The following PCLO variants were observed in gnomAD, a reference collection of about 807,000 sequenced individuals.
PCLO encodes piccolo presynaptic cytomatrix protein, also known as protein piccolo.
PCLO carries 82 observed loss-of-function variants against 427.5 expected under a neutral mutation model. The observed-to-expected ratio is 0.19, with a 90% CI of 0.16 to 0.23. The LOEUF is 0.23. Ranked by LOEUF, PCLO falls within the 10% of genes least tolerant of loss-of-function variation. PCLO has a pLI of 1.00. For synonymous variants in PCLO, 2,357 were observed against 2,155.4 expected, an observed-to-expected ratio of 1.09 and a Z score of -2.59; for missense variants, 6,239 against 6,115.9, an observed-to-expected ratio of 1.02 and a Z score of -0.67.
intron 22 of PCLO, among the ~76,000 whole-genome samples, chr7:82,764,276 A>G (rs971888682): frequency 6.6e-6 from 1 of 151,976 alleles, no homozygotes; most frequent in Non-Finnish European, 1.5e-5. Flanking sequence ...AACAGGAGTT[A>G]GACATTATAA....
intron 9 of PCLO, among the ~76,000 whole-genome samples, chr7:82,880,955 T>C (rs971095690): frequency 3.3e-5 from 5 of 152,208 alleles, no homozygotes; most frequent in Non-Finnish European, 7.3e-5. Flanking sequence ...TTTAGACACA[T>C]ATTTTGGGGC....
chr7:82,900,487 T>C (rs1794011203), intron 9 of PCLO, among the ~76,000 whole-genome samples: 1 of 151,754 alleles, frequency 6.6e-6, no homozygotes. Flanking sequence ...TAGGTAATTT[T>C]CATTTTTTGA....
intron 6 of PCLO, among the ~76,000 whole-genome samples, chr7:82,934,621 G>A (rs907481792): frequency 4.0e-5 from 6 of 151,596 alleles, no homozygotes; most frequent in Non-Finnish European, 7.4e-5. Flanking sequence ...CTACAGTATG[G>A]TGGCTTCAAA....
At position 82,760,730 on chromosome 7, in the gene PCLO, T is replaced by G. The variant is rs1790412774; in HGVS notation, c.15197A>C (p.Lys5066Thr). Residue 5066 changes from lysine (K) to threonine (T), a missense_variant, in exon 24 of 25, where the codon AAG (lysine) becomes ACG (threonine). Lys to Thr is a moderately conservative substitution (Grantham distance 78). Around this residue, in one of 5 missense-constraint regions of PCLO, gnomAD observed 877 missense variants for 925.5 expected, o/e 0.95. Transcript: ENST00000333891. ...MNISTQKKVI[K>T]KKTRVCRHDR... The stretch of plus-strand genomic sequence containing the variant: ...ATGTCTGCATACTCTTGTTTTTTTC[T>G]TGATCACCTTTTTTTGGGTAGAAAT... 1.3e-6 allele frequency: 2 copies of G among 1,564,176 alleles called. No individual in the cohort carries two copies. The highest frequency in any genetic ancestry group is 1.8e-6 in the Non-Finnish European group (2 of 1,138,520).
intron 22 of PCLO, among the ~76,000 whole-genome samples, chr7:82,771,656 G>T (rs1790650199): frequency 6.6e-6 from 1 of 152,000 alleles, no homozygotes; most frequent in Non-Finnish European, 1.5e-5. Flanking sequence ...CACACAACTG[G>T]ATTAAATGTT....
In PCLO at chr7:83,143,732, G is replaced by A. The variant is rs139918815; in HGVS notation, c.1894-8076C>T. ...ACGGACATGAAAGTGTATCCATACC[G>A]TATCACAATTACACAAAGAGAGGAG... On this transcript the variant is annotated intron_variant, in intron 2 of 24. Transcript: ENST00000333891. Among the ~76,000 whole-genome samples, 1,034 of 150,976 alleles carry A rather than the reference G, an allele frequency of 6.8e-3. 11 individuals are homozygous for A. The highest frequency in any genetic ancestry group is 0.02 in the African/African-American group (833 of 41,092).
At chr7:82,799,678 T>C (rs1791301226) in intron 22 of PCLO, among the ~76,000 whole-genome samples, 2 of 152,138 alleles carry the variant, frequency 1.3e-5, no homozygotes, top group African/African-American at 2.4e-5. Context: ...CTGGCAGAGA[T>C]TGGAGAATGG....
rs778108792 is a variant in PCLO, at chr7:82,794,459, C to CTTTTTTTTTT, written c.15007+7049_15007+7058dup. On this transcript the variant is annotated intron_variant, in intron 22 of 24. Transcript: ENST00000333891. Reference sequence around the variant, plus strand: ...ACATGCTAGTTCATAAATTTTTTTTCTTTTTTTTTTTTTTTTTTTTTTTTT... The same window carrying CTTTTTTTTTT: ...ACATGCTAGTTCATAAATTTTTTTTCTTTTTTTTTTTTTTTTTTTTTTTTTTTTTTTTTTT... 6.6e-3 allele frequency among the ~76,000 whole-genome samples: 370 copies of CTTTTTTTTTT among 56,346 alleles called. 119 individuals carry two copies. Among genetic ancestry groups the CTTTTTTTTTT allele is most frequent in the Non-Finnish European group, 0.012 (287 of 24,436 alleles). The allele number at this position is 56,346 out of a possible 152,430, so 37.0% of individuals were successfully genotyped here. A position where few individuals can be genotyped will look rare whatever the true frequency, so the allele number is the denominator to read the frequency against.
At chr7:83,106,623 C>T (rs565501428) in intron 3 of PCLO, among the ~76,000 whole-genome samples, 12 of 152,108 alleles carry the variant, frequency 7.9e-5, no homozygotes, top group African/African-American at 2.7e-4. Flanking sequence ...AAAGATCTTG[C>T]ACAGCATTTA....
intron 10 of PCLO, among the ~76,000 whole-genome samples, chr7:82,873,175 GTAAGTT>G (rs1032086008): frequency 8.5e-6 from 1 of 117,096 alleles, no homozygotes; most frequent in African/African-American, 3.4e-5. Context: ...ATATTATTCT[GTAAGTT>G]TTTTTTTTTT....
At chr7:83,124,155 A>C (rs931453959) in intron 3 of PCLO, among the ~76,000 whole-genome samples, 16 of 142,228 alleles carry the variant, frequency 1.1e-4, no homozygotes, top group African/African-American at 4.1e-4. Flanking sequence ...CAAAAAATAC[A>C]AAAAAAAAAA....
intron 18 of PCLO, 50 bp downstream of exon 18, chr7:82,826,539 T>A (rs201678384): frequency 4.1e-6 from 5 of 1,209,076 alleles, no homozygotes; most frequent in Non-Finnish European, 6.1e-6. Context: ...CGTGCTTTAA[T>A]TGGTGGTTTA....
chr7:82,925,752 CT>C (rs1269455449), intron 6 of PCLO, among the ~76,000 whole-genome samples: 2 of 117,692 alleles, frequency 1.7e-5, no homozygotes, highest in African/African-American at 6.6e-5. Flanking sequence ...CAAGCTCTTG[CT>C]CTGTTGTCCA....
chr7:83,088,765 C>G (rs1790302806), intron 3 of PCLO, among the ~76,000 whole-genome samples: 1 of 152,172 alleles, frequency 6.6e-6, no homozygotes, highest in Non-Finnish European at 1.5e-5. Context: ...TTCACCTTCA[C>G]TGACACTGTC....
At chr7:82,774,382 TG>T (rs1431438896) in intron 22 of PCLO, among the ~76,000 whole-genome samples, 1 of 152,200 alleles carries the variant, frequency 6.6e-6, no homozygotes, top group East Asian at 1.9e-4. Flanking sequence ...CTTTGTACAC[TG>T]TGCCATTATT....
At chr7:82,864,426 A>G (rs1467048039) in intron 10 of PCLO, among the ~76,000 whole-genome samples, 2 of 152,150 alleles carry the variant, frequency 1.3e-5, no homozygotes. Flanking sequence ...ATGGGAGGTG[A>G]GAATGGATAA....
intron 3 of PCLO, among the ~76,000 whole-genome samples, chr7:83,016,308 A>G (rs1487733335): frequency 6.6e-6 from 1 of 152,158 alleles, no homozygotes; most frequent in African/African-American, 2.4e-5. Context: ...ATCAGAATCA[A>G]TGTTGAAGGA....
At chr7:82,888,637 T>C (rs1793683913) in intron 9 of PCLO, among the ~76,000 whole-genome samples, 1 of 152,146 alleles carries the variant, frequency 6.6e-6, no homozygotes, top group Non-Finnish European at 1.5e-5. Flanking sequence ...TAAACGAAGC[T>C]ATATTTTCAA....
At chr7:83,093,492 A>T (rs13245952) in intron 3 of PCLO, among the ~76,000 whole-genome samples, 19,195 of 60,410 alleles carry the variant, frequency 0.32, 4,613 homozygotes, top group South Asian at 0.46. Flanking sequence ...ATATATATAT[A>T]TTTTTTTTTT....
Sources: gnomAD v4.1 joint callset for allele counts (sites outside exome capture counted in the v4.1 genomes callset) on GRCh38, gnomAD v4.1.1 for gene constraint, gnomAD v4.1.1 regional missense constraint, MANE v1.5 for transcripts, NCBI Gene and HGNC (gene_info 2026-07-23, HGNC 2026-07-21) for gene names.